NFATC1: variants seen among roughly 807,000 people sequenced by gnomAD.
NFATC1 encodes the protein nuclear factor of activated T cells 1, also known as nuclear factor of activated T-cells, cytoplasmic 1.
NFATC1 carries 22 observed loss-of-function variants against 76.0 expected under a neutral mutation model. That is an observed-to-expected ratio of 0.29 (90% CI 0.21 to 0.41). NFATC1 has a LOEUF of 0.41. Among genes scored for constraint, NFATC1 ranks in the 10% least tolerant of loss-of-function variants. The pLI is 1.00. For synonymous variants in NFATC1, 704 were observed against 613.1 expected (o/e 1.15, Z -2.19); for missense variants, 1,357 against 1,337.7 (o/e 1.01, Z -0.23).
intron 8 of NFATC1, among the ~76,000 whole-genome samples, chr18:79,476,170 G>C (rs1441296725): frequency 2.0e-5 from 3 of 152,238 alleles, no homozygotes; most frequent in Non-Finnish European, 4.4e-5. Context: ...ACATGCGTGG[G>C]GCAAGAGGGG....
chr18:79,397,081 G>T (rs2085032142), intron 1 of NFATC1, among the ~76,000 whole-genome samples: 1 of 152,140 alleles, frequency 6.6e-6, no homozygotes. Flanking sequence ...AACCCGGTGT[G>T]GGGGGCGCTG....
At chr18:79,493,102 C>T (rs2089737719) in intron 9 of NFATC1, among the ~76,000 whole-genome samples, 1 of 152,164 alleles carries the variant, frequency 6.6e-6, no homozygotes, top group African/African-American at 2.4e-5. Context: ...CAGTGGTTTT[C>T]TGTATCTTGC....
At position 79,400,358 on chromosome 18, in the gene NFATC1, C is replaced by T. The variant is rs562176816; in HGVS notation, c.127+4007C>T. The T allele has an allele frequency of 5.7e-5, 77 of 1,358,334 alleles. No individual in the cohort carries two copies. In the South Asian group the frequency reaches 1.1e-3, roughly 19 times the overall value. The allele number at this position is 1,358,334 out of a possible 1,614,324, so 84.1% of individuals were successfully genotyped here. A position where few individuals can be genotyped will look rare whatever the true frequency, so the allele number is the denominator to read the frequency against. ...GAACCGAACCCCTGGCGGCCGCGACCCCGGCTCCCGCCCCGGCCCCGGCCC... is the reference window on the plus strand; with the variant it reads ...GAACCGAACCCCTGGCGGCCGCGACTCCGGCTCCCGCCCCGGCCCCGGCCC... On this transcript the variant is annotated intron_variant, in intron 1 of 9. Transcript: ENST00000427363.
intron 2 of NFATC1, among the ~76,000 whole-genome samples, chr18:79,424,811 C>T (rs111211774): frequency 1.6e-5 from 1 of 60,790 alleles, no homozygotes; most frequent in Non-Finnish European, 3.0e-5. Flanking sequence ...GTCTGTCTGT[C>T]TCTGTCTCTC....
chr18:79,476,806 C>G (rs2089092022), intron 8 of NFATC1, among the ~76,000 whole-genome samples: 1 of 152,218 alleles, frequency 6.6e-6, no homozygotes, highest in South Asian at 2.1e-4. Context: ...CACGGAGCTG[C>G]AGTTTCAGCC....
intron 9 of NFATC1, among the ~76,000 whole-genome samples, chr18:79,526,811 C>T (rs1057243287): frequency 3.9e-5 from 6 of 152,228 alleles, no homozygotes; most frequent in Non-Finnish European, 7.3e-5. Context: ...TGCAGAAACA[C>T]GTGGGGCTTA....
At chr18:79,516,783 A>G (rs2090396171) in intron 9 of NFATC1, among the ~76,000 whole-genome samples, 1 of 152,228 alleles carries the variant, frequency 6.6e-6, no homozygotes, top group African/African-American at 2.4e-5. Flanking sequence ...GACACGATAT[A>G]CGTACAGTGG....
chr18:79,463,418 G>A (rs1442351695), intron 7 of NFATC1, among the ~76,000 whole-genome samples: 1 of 128,316 alleles, frequency 7.8e-6, no homozygotes, highest in Non-Finnish European at 1.7e-5. Flanking sequence ...TGGAGCTGCT[G>A]TACCGGCCTC....
chr18:79,437,647 G>A (rs1031301104), intron 3 of NFATC1, among the ~76,000 whole-genome samples: 4 of 152,336 alleles, frequency 2.6e-5, no homozygotes, highest in Admixed American at 6.5e-5. Flanking sequence ...CACACTGAGT[G>A]TCCTGATGGT....
intron 6 of NFATC1, among the ~76,000 whole-genome samples, chr18:79,453,749 C>T (rs1383650163): frequency 6.6e-6 from 1 of 152,252 alleles, no homozygotes; most frequent in Non-Finnish European, 1.5e-5. Context: ...GTGAATACTG[C>T]AGGGATGAAG....
intron 6 of NFATC1, among the ~76,000 whole-genome samples, chr18:79,458,597 AATG>A (rs1248734128): frequency 1.3e-5 from 2 of 152,204 alleles, no homozygotes; most frequent in African/African-American, 4.8e-5. Flanking sequence ...GGAATTCCCT[AATG>A]ATCTGGAATA....
chr18:79,475,834 G>A (rs141311591), intron 8 of NFATC1, among the ~76,000 whole-genome samples: 238 of 152,374 alleles, frequency 1.6e-3, no homozygotes, highest in Admixed American at 3.9e-3. Flanking sequence ...CGCTCAGGCC[G>A]TGCGTGTCCT....
chr18:79,464,880 A>G (rs1284979478), intron 7 of NFATC1, among the ~76,000 whole-genome samples: 1 of 150,562 alleles, frequency 6.6e-6, no homozygotes, highest in Non-Finnish European at 1.5e-5. Context: ...TAATTTTTAA[A>G]TTTTTGTAGA....
intron 2 of NFATC1, among the ~76,000 whole-genome samples, chr18:79,427,573 CG>C (rs2086411796): frequency 2.0e-4 from 1 of 5,016 alleles, no homozygotes; most frequent in African/African-American, 1.0e-3. Context: ...TGCAGTGGGT[CG>C]GGGGGAGCTG....
intron 6 of NFATC1, among the ~76,000 whole-genome samples, chr18:79,455,491 C>T (rs929266483): frequency 1.1e-4 from 17 of 152,300 alleles, no homozygotes; most frequent in East Asian, 3.9e-4. Flanking sequence ...GAAGCAGAGA[C>T]GGGCTGTGCC....
intron 9 of NFATC1, among the ~76,000 whole-genome samples, chr18:79,512,594 C>G (rs1415564260): frequency 6.6e-6 from 1 of 152,186 alleles, no homozygotes; most frequent in Non-Finnish European, 1.5e-5. Context: ...TCGGCGGGCC[C>G]CTTGTGCTTC....
chr18:79,435,029 G>A (rs949661212), intron 3 of NFATC1, among the ~76,000 whole-genome samples: 2 of 152,186 alleles, frequency 1.3e-5, no homozygotes, highest in East Asian at 1.9e-4. Flanking sequence ...ACCACGCTCC[G>A]TCACTGCAGG....
At chr18:79,402,125 T>G (rs1419724740) in intron 1 of NFATC1, among the ~76,000 whole-genome samples, 1 of 152,230 alleles carries the variant, frequency 6.6e-6, no homozygotes, top group Non-Finnish European at 1.5e-5. Context: ...CGTGCACACG[T>G]GACTGTGCGC....
chr18:79,427,439 C>G, intron 2 of NFATC1, among the ~76,000 whole-genome samples: 1 of 82,894 alleles, frequency 1.2e-5, no homozygotes, highest in Non-Finnish European at 2.2e-5. Flanking sequence ...TGGGGGGGAG[C>G]TGGACGGCTG....
Sources: allele counts gnomAD v4.1 joint callset (sites outside exome capture counted in the v4.1 genomes callset), GRCh38; gene constraint gnomAD v4.1.1; transcripts MANE v1.5; gene names NCBI Gene and HGNC (gene_info 2026-07-23, HGNC 2026-07-21).